The following YES1 variants were observed in gnomAD, a reference collection of about 807,000 sequenced individuals.
YES1 encodes YES proto-oncogene 1, Src family tyrosine kinase.
Under a neutral mutation model 70.4 loss-of-function variants are expected in YES1, and 39 were observed. The ratio of observed to expected loss-of-function variants is 0.55; its 90% confidence interval spans 0.43 to 0.72. The LOEUF is 0.72. Among genes scored for constraint, YES1 ranks in the 30% least tolerant of loss-of-function variants. The pLI is 0.00. For missense variants in YES1, 495 were observed against 644.8 expected, an observed-to-expected ratio of 0.77 and a Z score of 2.52; for synonymous variants, 198 against 218.6, an observed-to-expected ratio of 0.91 and a Z score of 0.83.
chr18:738,555 T>G (rs1169251261), intron 9 of YES1: 2 of 151,236 alleles, frequency 1.3e-5, no homozygotes, highest in Non-Finnish European at 1.5e-5. Context: ...CTGGGGGTGG[T>G]GGTGGGCGCC....
At chr18:756,282 T>TA (rs1555686131) in intron 2 of YES1, among the ~76,000 whole-genome samples, 1 of 149,294 alleles carries the variant, frequency 6.7e-6, no homozygotes, top group South Asian at 2.1e-4. Flanking sequence ...GTGCCTACAG[T>TA]GGGGGGGGGC....
At position 771,392 on chromosome 18, in the gene YES1, T is replaced by C. The variant is rs569762088; in HGVS notation, c.-8-14557A>G. Among the ~76,000 whole-genome samples the C allele has an allele frequency of 2.0e-5, 3 of 151,908 alleles. No homozygotes were observed. The South Asian group carries it at 6.3e-4, about 32-fold the overall frequency. On this transcript the variant is annotated intron_variant, in intron 1 of 11. Coordinates refer to ENST00000314574, the MANE Select transcript of YES1 (RefSeq NM_005433.4). ...CAAAAAAAAAAAAAATTCATTTGAG[T>C]GCAGAGGGTATTATTTCTTAAATGA...
At chr18:784,253 G>C (rs1905825789) in intron 1 of YES1, among the ~76,000 whole-genome samples, 1 of 152,122 alleles carries the variant, frequency 6.6e-6, no homozygotes, top group Non-Finnish European at 1.5e-5. Context: ...AAATAATAAA[G>C]ATGTATCTAA....
At chr18:749,758 G>A (rs1240861040) in intron 3 of YES1, among the ~76,000 whole-genome samples, 5 of 151,234 alleles carry the variant, frequency 3.3e-5, no homozygotes, top group African/African-American at 1.2e-4. Flanking sequence ...TACTCGGGAG[G>A]CTTAGGCAGG....
In YES1 at chr18:730,701, G is replaced by C. The variant is rs149661044; in HGVS notation, c.1423+2133C>G. 2.6e-5 allele frequency among the ~76,000 whole-genome samples: 4 copies of C among 152,272 alleles called. No individual in the cohort carries two copies. The East Asian group carries it at 7.7e-4, about 29-fold the overall frequency. ...GCCAATATAAATGGGCTTCCTTGAT[G>C]CAATGTCCTATCAGTTCTTTTACAT... On this transcript the variant is annotated intron_variant, in intron 11 of 11. Transcript: ENST00000314574.
intron 11 of YES1, among the ~76,000 whole-genome samples, chr18:730,643 C>T (rs890272547): frequency 1.3e-5 from 2 of 152,144 alleles, no homozygotes; most frequent in African/African-American, 4.8e-5. Context: ...GGTTTTACTG[C>T]CCTGTGCTAT....
chr18:727,839 T>G (rs1279357198), intron 11 of YES1, among the ~76,000 whole-genome samples: 2 of 152,160 alleles, frequency 1.3e-5, no homozygotes, highest in Admixed American at 1.3e-4. Flanking sequence ...AAGGCATAAT[T>G]TCACTCTTCC....
At chr18:756,118 G>A (rs1490378808) in intron 2 of YES1, among the ~76,000 whole-genome samples, 1 of 151,988 alleles carries the variant, frequency 6.6e-6, no homozygotes, top group Non-Finnish European at 1.5e-5. Flanking sequence ...GCAGCATCTG[G>A]GAGAAATTCT....
At chr18:752,846 G>C (rs1203925294) in intron 2 of YES1, among the ~76,000 whole-genome samples, 1 of 152,172 alleles carries the variant, frequency 6.6e-6, no homozygotes, top group Non-Finnish European at 1.5e-5. Context: ...GGGAGGTTGA[G>C]ACAGGAGAAT....
At chr18:776,021 G>A (rs1424706918) in intron 1 of YES1, among the ~76,000 whole-genome samples, 5 of 152,050 alleles carry the variant, frequency 3.3e-5, no homozygotes, top group Non-Finnish European at 7.4e-5. Context: ...ACATTCCCGA[G>A]CCCTCCTTGG....
At chr18:780,790 G>A (rs1256722441) in intron 1 of YES1, among the ~76,000 whole-genome samples, 1 of 151,916 alleles carries the variant, frequency 6.6e-6, no homozygotes, top group East Asian at 1.9e-4. Flanking sequence ...AATTATTTAC[G>A]GTCTGGATTA....
intron 11 of YES1, among the ~76,000 whole-genome samples, chr18:726,241 T>C (rs1168765931): frequency 6.6e-6 from 1 of 151,872 alleles, no homozygotes; most frequent in Non-Finnish European, 1.5e-5. Flanking sequence ...CTGGCCAACA[T>C]GGTGAAGCCC....
At chr18:740,401 A>C (rs990166877) in intron 8 of YES1, among the ~76,000 whole-genome samples, 3 of 152,234 alleles carry the variant, frequency 2.0e-5, no homozygotes, top group African/African-American at 7.2e-5. Context: ...TTCTCTTCAG[A>C]AGTAACAATG....
chr18:811,567 C>G (rs1907380949), intron 1 of YES1, among the ~76,000 whole-genome samples: 1 of 152,184 alleles, frequency 6.6e-6, no homozygotes, highest in African/African-American at 2.4e-5. Flanking sequence ...AATTTCCCAA[C>G]CCCCAACCCA....
intron 3 of YES1, among the ~76,000 whole-genome samples, chr18:749,350 T>C (rs1316223088): frequency 1.3e-5 from 2 of 150,864 alleles, no homozygotes; most frequent in African/African-American, 4.9e-5. Context: ...ATACAAAAAT[T>C]AGGTGGGAGT....
intron 1 of YES1, among the ~76,000 whole-genome samples, chr18:766,467 T>A (rs1180185678): frequency 2.0e-5 from 3 of 151,236 alleles, no homozygotes; most frequent in African/African-American, 7.4e-5. Flanking sequence ...AAGATGATTA[T>A]CTTTTCTATG....
intron 11 of YES1, among the ~76,000 whole-genome samples, chr18:726,788 A>T (rs2080025603): frequency 8.8e-6 from 1 of 113,544 alleles, no homozygotes; most frequent in Non-Finnish European, 1.9e-5. Context: ...TCTCAAAAAA[A>T]AAAAAAAAAA....
intron 1 of YES1, 63 bp from the exon 2 acceptor site, chr18:756,898 G>A: frequency 1.4e-6 from 2 of 1,448,922 alleles, no homozygotes; most frequent in Non-Finnish European, 1.8e-6. Context: ...AAAAGACAGG[G>A]TTCAAAAAAT....
At chr18:812,421 A>G (rs7240974), upstream of YES1, 66,068 of 149,738 alleles carry the variant, frequency 0.44, 15,709 homozygotes, top group African/African-American at 0.64. Context: ...AACTCGGGCC[A>G]CGCCGGCCCG....
Sources: allele counts gnomAD v4.1 joint callset (sites outside exome capture counted in the v4.1 genomes callset), GRCh38; gene constraint gnomAD v4.1.1; transcripts MANE v1.5; gene names NCBI Gene and HGNC (gene_info 2026-07-23, HGNC 2026-07-21).